RASA3: variants seen among roughly 807,000 people sequenced by gnomAD.
RASA3 encodes the protein RAS p21 protein activator 3, also known as ras GTPase-activating protein 3.
In RASA3, 73 loss-of-function variants were observed where a neutral mutation model predicts 110.0. The observed-to-expected ratio is 0.66, with a 90% CI of 0.55 to 0.81. The LOEUF (loss-of-function observed/expected upper bound fraction) is 0.81, where lower values mean the gene tolerates loss of function less well. Among genes scored for constraint, RASA3 ranks in the 30% least tolerant of loss-of-function variants. RASA3 has a pLI of 0.00. For synonymous variants in RASA3, 500 were observed against 451.4 expected, an observed-to-expected ratio of 1.11 and a Z score of -1.37; for missense variants, 976 against 1,113.2, an observed-to-expected ratio of 0.88 and a Z score of 1.75.
rs1196717490 is a variant in RASA3, at chr13:114,057,970, G to T, written c.174-5815C>A. Among the ~76,000 whole-genome samples the T allele has an allele frequency of 3.3e-5, 5 of 152,168 alleles. No individual in the cohort carries two copies. The highest frequency in any genetic ancestry group is 4.8e-5 in the African/African-American group (2 of 41,438). On this transcript the variant is annotated intron_variant, in intron 2 of 23. Transcript: ENST00000334062. This position sits in a 1 kb window ranked among gnomAD's most constrained non-coding sequence, Gnocchi z 5.0. The stretch of plus-strand genomic sequence containing the variant: ...CAGGGCCTGGCTGAGGCCCTGGGAG[G>T]TCGGAGTCCCGGAGGTGGGTGGGGG...
intron 1 of RASA3, among the ~76,000 whole-genome samples, chr13:114,117,202 T>C (rs1371345583): frequency 1.1e-5 from 1 of 91,774 alleles, no homozygotes; most frequent in Non-Finnish European, 2.3e-5. Flanking sequence ...AGAGCACGTG[T>C]GTGAGGGGTG....
At chr13:113,996,794 G>C (rs373745428) in intron 20 of RASA3, 55 bp from the exon 21 acceptor site, 17 of 1,491,632 alleles carry the variant, frequency 1.1e-5, no homozygotes, top group Non-Finnish European at 1.5e-5. Flanking sequence ...GGCTGAGCAC[G>C]TGCAAGAGTC....
rs1212368400 is a variant in RASA3 at position 114,027,831 on chromosome 13, G to T, written c.530+16C>A. On this transcript the variant is annotated intron_variant, in intron 6 of 23. Transcript: ENST00000334062. Reference sequence around the variant, plus strand: ...CCCAGGACCAGAACAGAAACCTGAAGCGTGAGGCAACTTGCCTGAAGGGTC... The same window carrying T: ...CCCAGGACCAGAACAGAAACCTGAATCGTGAGGCAACTTGCCTGAAGGGTC... The T allele has an allele frequency of 5.0e-6, 8 of 1,611,938 alleles. No homozygotes were observed. The highest frequency in any genetic ancestry group is 5.9e-6 in the Non-Finnish European group (7 of 1,178,304).
intron 18 of RASA3, among the ~76,000 whole-genome samples, chr13:114,005,181 G>A (rs1366543217): frequency 6.6e-6 from 1 of 152,212 alleles, no homozygotes; most frequent in African/African-American, 2.4e-5. Flanking sequence ...CAAAGTGCCC[G>A]TTCAGGTGAC....
At chr13:114,025,104 GT>G (rs2139353746) in intron 7 of RASA3, among the ~76,000 whole-genome samples, 2 of 152,298 alleles carry the variant, frequency 1.3e-5, no homozygotes, top group African/African-American at 4.8e-5. Flanking sequence ...GAAGGGCTCC[GT>G]CCTGCCCGGC....
intron 9 of RASA3, among the ~76,000 whole-genome samples, chr13:114,020,697 T>C (rs61422570): frequency 0.012 from 1,886 of 152,194 alleles, 36 homozygotes; most frequent in African/African-American, 0.043. Context: ...ACCAAGCACC[T>C]GGAGACAACA....
chr13:114,066,198 A>G (rs2079446541), intron 2 of RASA3, among the ~76,000 whole-genome samples: 1 of 152,060 alleles, frequency 6.6e-6, no homozygotes, highest in Non-Finnish European at 1.5e-5. Context: ...CATCCTTACA[A>G]ACAAATGAAA....
Position 113,992,514 on chromosome 13 carries a change from A to G in RASA3, c.2216T>C (p.Leu739Ser). The change falls in exon 22 of 24, where the codon TTG becomes TCG. Residue 739 changes from leucine (L) to serine (S), a missense_variant. Leu to Ser is a moderately radical substitution (Grantham distance 145). This residue lies in a region of RASA3 where 132 missense variants were observed against 152.8 expected (regional missense o/e 0.86). Transcript: ENST00000334062. ...CATCTTCTCCAGCTTGCTCATGTACAAGTTGAAGAGGGAGTAGATACGCTC... is the reference window on the plus strand; with the variant it reads ...CATCTTCTCCAGCTTGCTCATGTACGAGTTGAAGAGGGAGTAGATACGCTC... The part of the protein sequence containing the change: ...ETERIYSLFN[L>S]YMSKLEKMQE... 6.2e-7 allele frequency: 1 copy of G among 1,613,404 alleles called. No homozygotes were observed. The highest frequency in any genetic ancestry group is 1.1e-5 in the South Asian group (1 of 91,072).
chr13:114,100,685 A>G (rs544271618), intron 1 of RASA3, among the ~76,000 whole-genome samples: 2 of 152,250 alleles, frequency 1.3e-5, no homozygotes, highest in African/African-American at 4.8e-5. Context: ...AACAGCCTCA[A>G]CTCGGAAAAT....
chr13:114,108,486 C>A (rs1277295059), intron 1 of RASA3, among the ~76,000 whole-genome samples: 2 of 136,976 alleles, frequency 1.5e-5, no homozygotes, highest in South Asian at 2.6e-4. Context: ...CGTCCATGAT[C>A]CCCCGTCCGT....
At chr13:114,080,310 G>A (rs1313057273) in intron 1 of RASA3, among the ~76,000 whole-genome samples, 11 of 152,198 alleles carry the variant, frequency 7.2e-5, no homozygotes, top group Non-Finnish European at 5.9e-5. Context: ...TGGCACCAGC[G>A]GGCTTCTGTG....
intron 4 of RASA3, among the ~76,000 whole-genome samples, chr13:114,035,384 C>A (rs924705111): frequency 6.6e-6 from 1 of 152,232 alleles, no homozygotes; most frequent in African/African-American, 2.4e-5. Flanking sequence ...GGGGCCCCAG[C>A]GTCCAGCTCC....
chr13:114,099,978 C>T (rs1332782532), intron 1 of RASA3, among the ~76,000 whole-genome samples: 1 of 79,282 alleles, frequency 1.3e-5, no homozygotes, highest in Non-Finnish European at 2.5e-5. Context: ...GATGCTCACA[C>T]GCACAGTTTT....
Position 114,013,268 on chromosome 13 carries a change from G to A in RASA3, c.1406-20C>T. 6.3e-7 allele frequency: 1 copy of A among 1,594,014 alleles called. No homozygotes were observed. Among genetic ancestry groups the A allele is most frequent in the Non-Finnish European group, 8.6e-7 (1 of 1,167,772 alleles). ...GGTCATCTGCGGGAGAGAGAAGCAG[G>A]GTGACCGTTTTCCTCGGGCACAATG... is the stretch of plus-strand genomic sequence containing the variant. On this transcript the variant is annotated intron_variant, in intron 14 of 23. Transcript: ENST00000334062.
At position 113,978,469 on chromosome 13, in the gene RASA3, G is replaced by C. The variant is rs762589097; in HGVS notation, c.*878C>G. On this transcript the variant is annotated 3_prime_UTR_variant, in exon 24 of 24. Coordinates refer to ENST00000334062, the MANE Select transcript of RASA3 (RefSeq NM_007368.4). The stretch of plus-strand genomic sequence containing the variant: ...TTGTATCAAAGAGCTAATTAAAAAT[G>C]GTCCTTCAAAAACATAAAGAAAAAC... The C allele has an allele frequency of 6.6e-6, 1 of 152,132 alleles. No homozygotes were observed. The highest frequency in any genetic ancestry group is 1.5e-5 in the Non-Finnish European group (1 of 68,014). 9.4% of individuals were successfully genotyped at this position (152,132 alleles called of 1,614,324 possible). A position where few individuals can be genotyped will look rare whatever the true frequency, so the allele number is the denominator to read the frequency against.
chr13:114,063,527 C>T (rs973622941), intron 2 of RASA3, among the ~76,000 whole-genome samples: 12 of 152,218 alleles, frequency 7.9e-5, no homozygotes, highest in Non-Finnish European at 1.5e-4. Flanking sequence ...GTTATGTTCC[C>T]TGTGACAGAG....
intron 1 of RASA3, among the ~76,000 whole-genome samples, chr13:114,111,891 C>T (rs531410992): frequency 2.0e-5 from 3 of 152,290 alleles, no homozygotes; most frequent in African/African-American, 7.2e-5. Context: ...GATCCTGTGT[C>T]TTGGTTGGGG....
chr13:113,989,150 A>C (rs1320016038), intron 22 of RASA3, among the ~76,000 whole-genome samples: 45 of 76,696 alleles, frequency 5.9e-4, no homozygotes, highest in African/African-American at 8.8e-4. Context: ...CCATCACTCA[A>C]CCCTCGGTCC....
At chr13:114,080,920 G>A (rs12561238) in intron 1 of RASA3, among the ~76,000 whole-genome samples, 4,309 of 142,694 alleles carry the variant, frequency 0.03, 1 homozygote, top group African/African-American at 0.076. Flanking sequence ...GCAGAGGGCC[G>A]TCCACCTAGA....
Sources: gnomAD v4.1 joint callset for allele counts (sites outside exome capture counted in the v4.1 genomes callset) on GRCh38, gnomAD v4.1.1 for gene constraint, gnomAD v4.1.1 regional missense constraint, Gnocchi (gnomAD v3.1) non-coding constraint, MANE v1.5 for transcripts, NCBI Gene and HGNC (gene_info 2026-07-23, HGNC 2026-07-21) for gene names.